KIF1B: variants seen among roughly 807,000 people sequenced by gnomAD.
KIF1B encodes kinesin-like protein KIF1B.
In KIF1B, 76 loss-of-function variants were observed where a neutral mutation model predicts 241.9. That is an observed-to-expected ratio of 0.31 (90% CI 0.26 to 0.38). The LOEUF (loss-of-function observed/expected upper bound fraction) is 0.38. Ranked by LOEUF, KIF1B falls within the 10% of genes least tolerant of loss-of-function variation. KIF1B has a pLI of 1.00. For synonymous variants in KIF1B, 750 were observed against 796.7 expected (o/e 0.94, Z 0.99); for missense variants, 1,622 against 2,271.4 (o/e 0.71, Z 5.81).
At chr1:10,269,911 C>A (rs1648693384) in intron 7 of KIF1B, among the ~76,000 whole-genome samples, 2 of 152,172 alleles carry the variant, frequency 1.3e-5, no homozygotes, top group South Asian at 4.1e-4. Flanking sequence ...TAGTGTTTAT[C>A]TGAATGCCAG....
At chr1:10,227,026 G>GTC (rs1363802885) in intron 1 of KIF1B, among the ~76,000 whole-genome samples, 30 of 130,308 alleles carry the variant, frequency 2.3e-4, no homozygotes, top group Non-Finnish European at 1.9e-4. Flanking sequence ...AATAACGCAA[G>GTC]TCTCTCTTTT....
intron 10 of KIF1B, among the ~76,000 whole-genome samples, chr1:10,273,733 AAAAAAAC>A (rs1648942525): frequency 2.3e-5 from 2 of 88,220 alleles, no homozygotes; most frequent in African/African-American, 6.1e-5. Flanking sequence ...AAAAAAAAAA[AAAAAAAC>A]CCAACAAACA....
intron 37 of KIF1B, among the ~76,000 whole-genome samples, chr1:10,350,864 A>G (rs180913891): frequency 6.6e-5 from 10 of 152,296 alleles, no homozygotes; most frequent in Admixed American, 4.6e-4. Flanking sequence ...TGGGAGGCCA[A>G]GGCAGGCGGA....
intron 4 of KIF1B, among the ~76,000 whole-genome samples, chr1:10,261,179 C>A (rs1334420218): frequency 6.6e-6 from 1 of 151,570 alleles, no homozygotes; most frequent in Admixed American, 6.6e-5. Flanking sequence ...GTTGGCCAGG[C>A]TGGTCTTGAA....
intron 2 of KIF1B, among the ~76,000 whole-genome samples, chr1:10,251,278 A>G (rs1647425705): frequency 6.6e-6 from 1 of 152,132 alleles, no homozygotes; most frequent in African/African-American, 2.4e-5. Context: ...AAGAAGAGGA[A>G]AAGGATTTCA....
chr1:10,256,306 T>C lies in KIF1B; in HGVS notation c.166T>C (p.Tyr56His). 6.2e-7 allele frequency: 1 copy of C among 1,610,780 alleles called. No individual in the cohort carries two copies. The highest frequency in any genetic ancestry group is 8.5e-7 in the Non-Finnish European group (1 of 1,176,918). The part of the protein sequence containing the change: ...APKSFSFDYS[Y>H]WSHTSPEDPC... ...AAAGTCCTTCAGCTTCGACTATTCC[T>C]ACTGGTCTCATACCTCAGTGAGTAC... The change falls in exon 3 of 49, where the codon TAC becomes CAC. Residue 56 changes from tyrosine to histidine, a missense_variant. This residue lies in a region of KIF1B where 156 missense variants were observed against 244.8 expected (regional missense o/e 0.64). Coordinates refer to ENST00000676179, the MANE Select transcript of KIF1B (RefSeq NM_001365951.3).
intron 45 of KIF1B, among the ~76,000 whole-genome samples, chr1:10,372,595 T>G (rs1351427511): frequency 1.8e-4 from 26 of 146,742 alleles, no homozygotes; most frequent in Non-Finnish European, 2.7e-4. Flanking sequence ...GGAAGATTGG[T>G]TGAACCTGGG....
In KIF1B at chr1:10,363,401, C is replaced by T. The variant is rs576278595; in HGVS notation, c.4366+57C>T. On this transcript the variant is annotated intron_variant, in intron 41 of 48. Coordinates refer to ENST00000676179, the MANE Select transcript of KIF1B (RefSeq NM_001365951.3). ...TATCTTTGTGTATGTTTCAAGTATC[C>T]TGTATTTAGGCTGGGCACGGTGGCA... The T allele has an allele frequency of 5.5e-6, 8 of 1,447,564 alleles. No homozygotes were observed. The South Asian group carries it at 8.0e-5, about 14-fold the overall frequency. 89.7% of individuals were successfully genotyped at this position (1,447,564 alleles called of 1,614,324 possible).
intron 2 of KIF1B, among the ~76,000 whole-genome samples, chr1:10,239,806 C>T (rs1306708359): frequency 4.6e-5 from 7 of 151,890 alleles, no homozygotes; most frequent in Non-Finnish European, 1.0e-4. Flanking sequence ...TGCTCTGTCA[C>T]CCAGGCTGGA....
At chr1:10,244,738 G>A (rs1015591725) in intron 2 of KIF1B, among the ~76,000 whole-genome samples, 19 of 150,842 alleles carry the variant, frequency 1.3e-4, no homozygotes, top group African/African-American at 3.9e-4. Flanking sequence ...TCGGCCTCCC[G>A]AGTAGCTGGG....
intron 2 of KIF1B, among the ~76,000 whole-genome samples, chr1:10,248,800 G>A (rs1571135307): frequency 1.3e-5 from 2 of 152,282 alleles, no homozygotes; most frequent in South Asian, 2.1e-4. Context: ...TACATCAGAT[G>A]TGGAGGATGA....
intron 13 of KIF1B, chr1:10,278,570 A>C (rs913749471): frequency 4.8e-6 from 1 of 209,230 alleles, no homozygotes; most frequent in African/African-American, 2.4e-5. Context: ...GCCTACCTTC[A>C]GATAAGATTC....
chr1:10,339,934 A>C (rs1272531938), intron 32 of KIF1B, 75 bp downstream of exon 32: 5 of 1,228,042 alleles, frequency 4.1e-6, no homozygotes, highest in East Asian at 2.4e-5. Context: ...GAAGGGTGAT[A>C]AGAAGAGGTA....
intron 22 of KIF1B, among the ~76,000 whole-genome samples, chr1:10,314,580 C>T (rs1222876116): frequency 6.6e-6 from 1 of 151,142 alleles, no homozygotes; most frequent in Non-Finnish European, 1.5e-5. Flanking sequence ...CCACTAAGTC[C>T]GGCTAATTTT....
intron 38 of KIF1B, among the ~76,000 whole-genome samples, chr1:10,360,572 C>A (rs1638394177): frequency 6.6e-6 from 1 of 151,640 alleles, no homozygotes; most frequent in Non-Finnish European, 1.5e-5. Flanking sequence ...GTAATCCCAG[C>A]TACTCGGAAG....
chr1:10,332,972 C>T lies in KIF1B; in HGVS notation c.2925-1548C>T, dbSNP rs562216495. On this transcript the variant is annotated intron_variant, in intron 27 of 48. Transcript: ENST00000676179. ...GACAACAGGTGCATGCCACCATGCC[C>T]GGCTGATTTTTATATTTTTAGTAGA... 1.9e-3 allele frequency among the ~76,000 whole-genome samples: 295 copies of T among 151,352 alleles called. 1 individual carries two copies. The highest frequency in any genetic ancestry group is 6.8e-3 in the African/African-American group (279 of 41,290).
chr1:10,233,702 C>T (rs1161842316), intron 2 of KIF1B, among the ~76,000 whole-genome samples: 2 of 141,090 alleles, frequency 1.4e-5, no homozygotes, highest in Non-Finnish European at 3.0e-5. Flanking sequence ...AATTGTATCT[C>T]AATAAAGCTT....
In KIF1B at chr1:10,337,034, A is replaced by G. The variant is rs970094307; in HGVS notation, c.3130-40A>G. The G allele has an allele frequency of 1.1e-5, 18 of 1,613,656 alleles. No individual in the cohort carries two copies. In the African/African-American group the frequency reaches 1.9e-4, roughly 17 times the overall value. ...GGCAACTGGGGAAAAATACGTTTTT[A>G]TACTACTTTACCATGTATCTGCCCC... On this transcript the variant is annotated intron_variant, in intron 29 of 48. Coordinates refer to ENST00000676179, the MANE Select transcript of KIF1B (RefSeq NM_001365951.3). This position sits in a 1 kb window ranked among gnomAD's most constrained non-coding sequence, Gnocchi z 4.0.
intron 37 of KIF1B, among the ~76,000 whole-genome samples, chr1:10,351,871 G>T (rs1411841350): frequency 6.6e-6 from 1 of 152,118 alleles, no homozygotes; most frequent in African/African-American, 2.4e-5. Context: ...TACTCAGGTG[G>T]CTTAGGTGGG....
Sources: gnomAD v4.1 joint callset for allele counts (sites outside exome capture counted in the v4.1 genomes callset) on GRCh38, gnomAD v4.1.1 for gene constraint, gnomAD v4.1.1 regional missense constraint, Gnocchi (gnomAD v3.1) non-coding constraint, MANE v1.5 for transcripts, NCBI Gene and HGNC (gene_info 2026-07-23, HGNC 2026-07-21) for gene names.